The following DNAH17 variants were observed in gnomAD, a reference collection of about 807,000 sequenced individuals.
DNAH17 encodes dynein axonemal heavy chain 17, also known as axonemal beta dynein heavy chain 17.
DNAH17 carries 376 observed loss-of-function variants against 485.6 expected under a neutral mutation model. The observed-to-expected ratio is 0.77, with a 90% confidence interval of 0.71 to 0.84. The LOEUF (loss-of-function observed/expected upper bound fraction) is 0.84. Ranked by LOEUF, DNAH17 falls within the 40% of genes least tolerant of loss-of-function variation. The probability of loss-of-function intolerance (pLI) is 0.00; values close to 1 mark genes in which losing one functional copy is unlikely to be tolerated. For missense variants in DNAH17, 6,370 were observed against 5,839.3 expected, an observed-to-expected ratio of 1.09 and a Z score of -2.96; for synonymous variants, 3,031 against 2,405.9, an observed-to-expected ratio of 1.26 and a Z score of -7.60.
chr17:78,435,727 A>C (rs1194698812), intron 74 of DNAH17, among the ~76,000 whole-genome samples: 1 of 152,180 alleles, frequency 6.6e-6, no homozygotes, highest in Non-Finnish European at 1.5e-5. Context: ...CTGATCTCAT[A>C]CAGACTGGCA....
intron 9 of DNAH17, 70 bp downstream of exon 9, chr17:78,569,096 C>T (rs1053170590): frequency 4.1e-5 from 51 of 1,230,342 alleles, no homozygotes; most frequent in Middle Eastern, 3.8e-4. Context: ...TAGGGATGGA[C>T]GCTGCAGGTG....
In DNAH17 at chr17:78,486,101, C is replaced by T. The variant is rs1396047591; in HGVS notation, c.7134G>A (p.Trp2378Ter). 1 of 1,613,862 alleles carries T rather than the reference C, an allele frequency of 6.2e-7. No homozygotes were observed. The highest frequency in any genetic ancestry group is 2.2e-5 in the East Asian group (1 of 44,888). ...TGATAGTCTTGAATTCGTTGATCCACCATTTACTGAACTCCACTCGATAAT... is the reference window on the plus strand; with the variant it reads ...TGATAGTCTTGAATTCGTTGATCCATCATTTACTGAACTCCACTCGATAAT... ...LVDYRVEFSK[W>*]WINEFKTIKF... The change falls in exon 46 of 81, where the codon TGG becomes TGA. Residue 2378 changes from tryptophan (W) to a stop codon, truncating the protein, a stop_gained. Coordinates refer to ENST00000389840, the MANE Select transcript of DNAH17 (RefSeq NM_173628.4). LOFTEE classifies it high-confidence loss of function.
chr17:78,490,832 T>C lies in DNAH17; in HGVS notation c.6685A>G (p.Ser2229Gly). 3 of 1,601,162 alleles carry C rather than the reference T, an allele frequency of 1.9e-6. No individual in the cohort carries two copies. In the South Asian group the frequency reaches 3.4e-5, roughly 18 times the overall value. ...CGGTTCAGGGGGATCCGCTCGTTGCTGGCCAGGGTGAGGACCTAGGAGGGG... is the reference window on the plus strand; with the variant it reads ...CGGTTCAGGGGGATCCGCTCGTTGCCGGCCAGGGTGAGGACCTAGGAGGGG... ...MDDNKVLTLA[S>G]NERIPLNRTM... is the part of the protein sequence containing the mutation. Residue 2229 changes from serine to glycine, a missense_variant, in exon 44 of 81, where the codon AGC becomes GGC. Coordinates refer to ENST00000389840, the MANE Select transcript of DNAH17 (RefSeq NM_173628.4).
intron 74 of DNAH17, 32 bp from the exon 75 acceptor site, chr17:78,434,252 G>A (rs938708632): frequency 3.2e-6 from 5 of 1,573,476 alleles, no homozygotes; most frequent in East Asian, 2.3e-5. Flanking sequence ...CAGGTATTAG[G>A]GAGAGGGAGA....
At position 78,459,188 on chromosome 17, in the gene DNAH17, G is replaced by T. The variant is rs751429891; in HGVS notation, c.9674C>A (p.Thr3225Lys). The change falls in exon 61 of 81, where the codon ACG becomes AAG. Residue 3225 changes from threonine to lysine, a missense_variant. By Grantham distance (78) the Thr-to-Lys change is moderately conservative. Coordinates refer to ENST00000389840, the MANE Select transcript of DNAH17 (RefSeq NM_173628.4). Reference protein sequence around the residue: ...KAFKPYQGNPTFDPEFIRSKS... With the variant: ...KAFKPYQGNPKFDPEFIRSKS... ...GGAGCGGATGAACTCGGGGTCGAAC[G>T]TCGGGTTGCCTTGGTAGGGCCTAGC... is the stretch of plus-strand genomic sequence containing the variant. The T allele has an allele frequency of 6.2e-7, 1 of 1,613,876 alleles. No individual in the cohort carries two copies. Among genetic ancestry groups the T allele is most frequent in the Non-Finnish European group, 8.5e-7 (1 of 1,179,882 alleles).
intron 74 of DNAH17, among the ~76,000 whole-genome samples, chr17:78,437,108 GT>G (rs1049502452): frequency 5.3e-5 from 8 of 152,202 alleles, no homozygotes; most frequent in African/African-American, 1.4e-4. Flanking sequence ...AGCTAGCTGT[GT>G]TTTGCCAGCT....
At chr17:78,513,136 G>A (rs537326561) in intron 26 of DNAH17, among the ~76,000 whole-genome samples, 12 of 151,924 alleles carry the variant, frequency 7.9e-5, no homozygotes, top group South Asian at 6.2e-4. Flanking sequence ...AAAGTAAACC[G>A]GAAAAATGAG....
Position 78,530,328 on chromosome 17 carries a change from T to C in DNAH17, c.3284+15A>G, listed in dbSNP as rs1459543543. On this transcript the variant is annotated intron_variant, in intron 21 of 80. Transcript: ENST00000389840. ...ACATTCCTTGGGCTCCCCGAGTACA[T>C]GGCTGGGGACCCACCTGTTGGTGAC... 3.1e-6 allele frequency: 5 copies of C among 1,596,134 alleles called. No homozygotes were observed. Among genetic ancestry groups the C allele is most frequent in the Non-Finnish European group, 3.4e-6 (4 of 1,167,350 alleles).
intron 56 of DNAH17, among the ~76,000 whole-genome samples, chr17:78,464,623 G>A (rs530713947): frequency 4.6e-5 from 7 of 152,244 alleles, no homozygotes; most frequent in Admixed American, 2.0e-4. Flanking sequence ...TTTCCTCTGA[G>A]GTGCACAAGG....
chr17:78,431,988 A>G (rs1168334484), intron 75 of DNAH17, among the ~76,000 whole-genome samples: 1 of 151,990 alleles, frequency 6.6e-6, no homozygotes, highest in Non-Finnish European at 1.5e-5. Flanking sequence ...CTTAGGCAAC[A>G]TGGTAAAACC....
At position 78,426,489 on chromosome 17, in the gene DNAH17, C is replaced by T; in HGVS notation, c.12883G>A (p.Ala4295Thr). Residue 4295 changes from alanine (A) to threonine (T), a missense_variant, in exon 79 of 81, where the codon GCC becomes ACC. Transcript: ENST00000389840. ...RAYPSMMGLA[A>T]WYADLLLRIR... Reference sequence around the variant, plus strand: ...CGGAGCAGCAGGTCTGCGTACCAGGCCGCCAGGCCCATCATGGAGGGGTAG... The same window carrying T: ...CGGAGCAGCAGGTCTGCGTACCAGGTCGCCAGGCCCATCATGGAGGGGTAG... The T allele has an allele frequency of 6.2e-7, 1 of 1,611,460 alleles. No individual in the cohort carries two copies. The highest frequency in any genetic ancestry group is 1.7e-4 in the Middle Eastern group (1 of 6,052).
chr17:78,491,206 C>CT (rs753077027), intron 43 of DNAH17, among the ~76,000 whole-genome samples: 9 of 152,244 alleles, frequency 5.9e-5, no homozygotes, highest in Non-Finnish European at 1.2e-4. Flanking sequence ...CTTCCCAGGC[C>CT]TTTACTCTGA....
chr17:78,476,716 T>C lies in DNAH17; in HGVS notation c.8010A>G (p.Thr2670=). The change falls in exon 52 of 81, where the codon ACA becomes ACG. Residue 2670 remains threonine, a synonymous_variant. Coordinates refer to ENST00000389840, the MANE Select transcript of DNAH17 (RefSeq NM_173628.4). ...SNIFQGLLFS[T]AEVLKTPLDL... ...CCAGTGGGGTTTTCAGAACTTCTGC[T>C]GTGGAAAATAAGAGTCCCTGCCCCA... 1 of 1,612,630 alleles carries C rather than the reference T, an allele frequency of 6.2e-7. No individual in the cohort carries two copies. The highest frequency in any genetic ancestry group is 1.7e-5 in the Admixed American group (1 of 59,824).
Position 78,567,106 on chromosome 17 carries a change from G to A in DNAH17, c.1345C>T (p.Arg449Cys), listed in dbSNP as rs137869604. ...KLEKIELGGVRGNLLGSLVTR... is the reference protein window; with the variant it reads ...KLEKIELGGVCGNLLGSLVTR... ...ACCAGGCTCCCGAGGAGGTTCCCAC[G>A]CACGCCCCCAAGCTCGATTTTCTCC... The change falls in exon 10 of 81, where the codon CGT (arginine) becomes TGT (cysteine). Residue 449 changes from arginine (R) to cysteine (C), a missense_variant. Transcript: ENST00000389840. The A allele has an allele frequency of 1.7e-5, 27 of 1,612,030 alleles. No individual in the cohort carries two copies. The highest frequency in any genetic ancestry group is 1.6e-4 in the Middle Eastern group (1 of 6,082).
intron 4 of DNAH17, 70 bp from the exon 5 acceptor site, chr17:78,571,448 G>C (rs1216624846): frequency 6.8e-7 from 1 of 1,475,988 alleles, no homozygotes; most frequent in African/African-American, 1.4e-5. Flanking sequence ...ACCTGACCTT[G>C]TGGCTGGCTG....
At chr17:78,447,140 G>T (rs1027596944) in intron 69 of DNAH17, among the ~76,000 whole-genome samples, 1 of 151,884 alleles carries the variant, frequency 6.6e-6, no homozygotes, top group Non-Finnish European at 1.5e-5. Context: ...TATATTGACT[G>T]GGCTAGTCTC....
At chr17:78,572,587 C>T in intron 3 of DNAH17, 114 bp downstream of exon 3, 1 of 1,010,992 alleles carries the variant, frequency 9.9e-7, no homozygotes, top group Non-Finnish European at 1.4e-6. Context: ...ACATGTGAAG[C>T]CACTCTGCAG....
chr17:78,462,958 A>G lies in DNAH17; in HGVS notation c.9060T>C (p.Phe3020=). The G allele has an allele frequency of 6.2e-7, 1 of 1,613,920 alleles. No homozygotes were observed. The highest frequency in any genetic ancestry group is 8.5e-7 in the Non-Finnish European group (1 of 1,179,880). ...TCTGGTACAGTTTGATCTGCTCCAGAAAGGTTTTGGGTGTGGTGTAGTTGT... is the reference window on the plus strand; with the variant it reads ...TCTGGTACAGTTTGATCTGCTCCAGGAAGGTTTTGGGTGTGGTGTAGTTGT... ...RRYNYTTPKT[F]LEQIKLYQNL... is the part of the protein sequence containing the mutation. The change falls in exon 57 of 81, where the codon TTT becomes TTC. Residue 3020 remains phenylalanine, a synonymous_variant. Coordinates refer to ENST00000389840, the MANE Select transcript of DNAH17 (RefSeq NM_173628.4).
At chr17:78,516,924 C>T (rs771164878) in intron 25 of DNAH17, among the ~76,000 whole-genome samples, 3 of 152,168 alleles carry the variant, frequency 2.0e-5, no homozygotes, top group Non-Finnish European at 2.9e-5. Context: ...AGACAGAGCA[C>T]GCTCTTGTAT....
Sources: gnomAD v4.1 joint callset for allele counts (sites outside exome capture counted in the v4.1 genomes callset) on GRCh38, gnomAD v4.1.1 for gene constraint, MANE v1.5 for transcripts, NCBI Gene and HGNC (gene_info 2026-07-23, HGNC 2026-07-21) for gene names.